TUSC3: variants seen among roughly 807,000 people sequenced by gnomAD.
TUSC3 encodes the protein dolichyl-diphosphooligosaccharide--protein glycosyltransferase subunit TUSC3.
Under a neutral mutation model 44.8 loss-of-function variants are expected in TUSC3, and 45 were observed. The ratio of observed to expected loss-of-function variants is 1.00; its 90% CI spans 0.79 to 1.29. TUSC3 has a LOEUF of 1.29. TUSC3 is among the 50% of genes most tolerant of loss of function. The pLI, the probability that TUSC3 is intolerant of heterozygous loss-of-function variation, is 0.00. For synonymous variants in TUSC3, 212 were observed against 152.9 expected (o/e 1.39, Z -2.85); for missense variants, 519 against 437.9 (o/e 1.19, Z -1.65).
chr8:15,763,982 A>T (rs1812253595), intron 10 of TUSC3, among the ~76,000 whole-genome samples: 1 of 152,066 alleles, frequency 6.6e-6, no homozygotes, highest in Admixed American at 6.6e-5. Flanking sequence ...TAAAGCTTTC[A>T]GCATCTTCTC....
At chr8:15,732,097 T>G (rs1810747784) in intron 7 of TUSC3, among the ~76,000 whole-genome samples, 1 of 152,178 alleles carries the variant, frequency 6.6e-6, no homozygotes, top group African/African-American at 2.4e-5. Context: ...AAAAGGCTAG[T>G]TGGTGTATTC....
chr8:15,419,840 C>T (rs142706304), intron 1 of TUSC3, among the ~76,000 whole-genome samples: 1 of 152,130 alleles, frequency 6.6e-6, no homozygotes, highest in East Asian at 1.9e-4. Context: ...GTAAAGATTA[C>T]TTCATACAAT....
At chr8:15,794,912 A>C in the TUSC3 span, among the ~76,000 whole-genome samples, 1 of 152,178 alleles carries the variant, frequency 6.6e-6, no homozygotes, top group Non-Finnish European at 1.5e-5. Flanking sequence ...GAAAGTCACA[A>C]GATATGGATA....
chr8:15,633,495 GT>G (rs1269149247), intron 2 of TUSC3, among the ~76,000 whole-genome samples: 15 of 152,304 alleles, frequency 9.8e-5, no homozygotes, highest in South Asian at 8.3e-4. Context: ...AAATAGGATA[GT>G]TGTAGATGTA....
At position 15,443,217 on chromosome 8, in the gene TUSC3, G is replaced by A. The variant is rs1020533990; in HGVS notation, n.91+25912G>A. On this transcript the variant is annotated intron_variant and non_coding_transcript_variant, in intron 1 of 5. Transcript: ENST00000503191. Reference sequence around the variant, plus strand: ...ATCTCACACTGTCACCCAGGCTGGAGTGCTGGAGTGCAGTGGTGTGATCAC... The same window carrying A: ...ATCTCACACTGTCACCCAGGCTGGAATGCTGGAGTGCAGTGGTGTGATCAC... 1.3e-4 allele frequency among the ~76,000 whole-genome samples: 19 copies of A among 151,558 alleles called. 1 individual carries two copies. Among genetic ancestry groups the A allele is most frequent in the African/African-American group, 4.4e-4 (18 of 41,164 alleles).
intron 2 of TUSC3, among the ~76,000 whole-genome samples, chr8:15,640,022 C>T (rs1220060951): frequency 6.6e-6 from 1 of 152,136 alleles, no homozygotes; most frequent in Non-Finnish European, 1.5e-5. Context: ...CCAAGTGTGG[C>T]CCTTGCTTGC....
chr8:15,551,219 C>G (rs957730292), intron 1 of TUSC3, among the ~76,000 whole-genome samples: 3 of 151,526 alleles, frequency 2.0e-5, no homozygotes, highest in African/African-American at 7.3e-5. Context: ...TCTGGCATAT[C>G]TTTAATTTTT....
chr8:15,681,602 T>G (rs749953548), intron 6 of TUSC3, among the ~76,000 whole-genome samples: 1 of 151,958 alleles, frequency 6.6e-6, no homozygotes, highest in Non-Finnish European at 1.5e-5. Context: ...CGATCTTGTT[T>G]ATCCTTTCAA....
intron 3 of TUSC3, among the ~76,000 whole-genome samples, chr8:15,654,070 A>G (rs548169207): frequency 2.0e-5 from 3 of 152,290 alleles, no homozygotes; most frequent in Admixed American, 6.5e-5. Context: ...TGCTGTGGGT[A>G]GCCCTGGGGA....
At chr8:15,422,467 C>A (rs540247314) in intron 1 of TUSC3, among the ~76,000 whole-genome samples, 1 of 151,968 alleles carries the variant, frequency 6.6e-6, no homozygotes, top group African/African-American at 2.4e-5. Context: ...TCAAAGGATG[C>A]AAAATATTAG....
chr8:15,506,332 C>G (rs1801050277), intron 2 of TUSC3, among the ~76,000 whole-genome samples: 1 of 152,162 alleles, frequency 6.6e-6, no homozygotes, highest in South Asian at 2.1e-4. Flanking sequence ...ACCAGAATCC[C>G]TTTTCCCCAA....
chr8:15,667,412 G>A (rs1442775931), intron 5 of TUSC3, among the ~76,000 whole-genome samples: 6 of 151,572 alleles, frequency 4.0e-5, no homozygotes, highest in African/African-American at 1.5e-4. Flanking sequence ...TAGAAATGCA[G>A]TGTATAAATT....
In TUSC3 at chr8:15,726,492, T is replaced by G. The variant is rs990991690; in HGVS notation, c.799-4174T>G. ...TTATTGAATCACTTTTTATTTTATG[T>G]TGGTTCATATGCTCTATGAAATATT... On this transcript the variant is annotated intron_variant, in intron 6 of 10. Transcript: ENST00000503731. Among the ~76,000 whole-genome samples the G allele has an allele frequency of 3.9e-5, 6 of 152,286 alleles. No homozygotes were observed. In the East Asian group the frequency reaches 9.7e-4, roughly 25 times the overall value.
chr8:15,605,238 T>C (rs1156991603), intron 1 of TUSC3, among the ~76,000 whole-genome samples: 1 of 151,916 alleles, frequency 6.6e-6, no homozygotes, highest in Non-Finnish European at 1.5e-5. Context: ...CTCATGCCGC[T>C]ACCTGGCTTT....
At chr8:15,830,536 T>TA in the TUSC3 span, among the ~76,000 whole-genome samples, 2 of 152,142 alleles carry the variant, frequency 1.3e-5, no homozygotes, top group African/African-American at 4.8e-5. Flanking sequence ...ATGACTGCAT[T>TA]AAAAAATGTG....
chr8:15,797,092 G>A, the TUSC3 span, among the ~76,000 whole-genome samples: 2 of 152,184 alleles, frequency 1.3e-5, no homozygotes, highest in Non-Finnish European at 2.9e-5. Flanking sequence ...GGGCACCTCC[G>A]AATGGAGGCA....
At chr8:15,673,712 G>T in intron 5 of TUSC3, 35 bp from the exon 6 acceptor site, 1 of 1,495,872 alleles carries the variant, frequency 6.7e-7, no homozygotes. Flanking sequence ...GTATTCTCTG[G>T]TTTACATATT....
chr8:15,576,356 T>C (rs1023163326), intron 1 of TUSC3, among the ~76,000 whole-genome samples: 1 of 149,100 alleles, frequency 6.7e-6, no homozygotes, highest in African/African-American at 2.5e-5. Flanking sequence ...CATGTGCACA[T>C]TGTGCAGGTT....
chr8:15,617,327 A>G (rs1038729704), intron 1 of TUSC3, among the ~76,000 whole-genome samples: 4 of 151,522 alleles, frequency 2.6e-5, no homozygotes, highest in Non-Finnish European at 5.9e-5. Context: ...TTTAGTAGAG[A>G]CAGGGTTTCA....
Sources: gnomAD v4.1 joint callset for allele counts (sites outside exome capture counted in the v4.1 genomes callset) on GRCh38, gnomAD v4.1.1 for gene constraint, MANE v1.5 for transcripts, NCBI Gene and HGNC (gene_info 2026-07-23, HGNC 2026-07-21) for gene names.